The following SLCO5A1 variants were observed in gnomAD, a reference collection of about 807,000 sequenced individuals.
SLCO5A1 encodes the protein organic anion transporter polypeptide-related protein 4.
In SLCO5A1, 39 loss-of-function variants were observed where a neutral mutation model predicts 65.1. That is an observed-to-expected ratio of 0.60 (90% CI 0.46 to 0.78). SLCO5A1 has a LOEUF of 0.78. Ranked by LOEUF, SLCO5A1 falls within the 30% of genes least tolerant of loss-of-function variation. SLCO5A1 has a pLI of 0.00. For missense variants in SLCO5A1, 1,029 were observed against 1,069.4 expected (o/e 0.96, Z 0.53); for synonymous variants, 438 against 415.7 (o/e 1.05, Z -0.65).
chr8:69,704,959 C>T, intron 6 of SLCO5A1, 72 bp downstream of exon 6: 2 of 1,405,826 alleles, frequency 1.4e-6, no homozygotes, highest in Admixed American at 3.4e-5. Flanking sequence ...AGGCTGACTG[C>T]AGATGCACAA....
At position 69,694,901 on chromosome 8, in the gene SLCO5A1, G is replaced by A. The variant is rs143029578; in HGVS notation, c.1622+10130C>T. On this transcript the variant is annotated intron_variant, in intron 6 of 9. Coordinates refer to ENST00000260126, the MANE Select transcript of SLCO5A1 (RefSeq NM_030958.3). ...TGAATACAACTAAGTGAGAAAAGGT[G>A]TACTGTAATTCATGGATTAGATAAT... Among the ~76,000 whole-genome samples the A allele has an allele frequency of 5.3e-5, 8 of 152,312 alleles. No homozygotes were observed. The East Asian group carries it at 1.5e-3, about 29-fold the overall frequency.
intron 6 of SLCO5A1, among the ~76,000 whole-genome samples, chr8:69,688,911 A>G (rs1232631951): frequency 6.6e-6 from 1 of 152,164 alleles, no homozygotes; most frequent in Non-Finnish European, 1.5e-5. Context: ...AGGAATTGCC[A>G]CACTGACTTC....
intron 6 of SLCO5A1, among the ~76,000 whole-genome samples, chr8:69,683,825 G>C: frequency 6.6e-6 from 1 of 152,148 alleles, no homozygotes. Flanking sequence ...GCCTCCCAAA[G>C]TGCTAGGATT....
chr8:69,673,859 T>C (rs1339445955), intron 9 of SLCO5A1, among the ~76,000 whole-genome samples: 2 of 152,170 alleles, frequency 1.3e-5, no homozygotes, highest in Non-Finnish European at 2.9e-5. Flanking sequence ...CATGGCAACT[T>C]TGTAAAAGCA....
At chr8:69,684,412 C>T (rs1813921376) in intron 6 of SLCO5A1, among the ~76,000 whole-genome samples, 1 of 152,110 alleles carries the variant, frequency 6.6e-6, no homozygotes, top group African/African-American at 2.4e-5. Flanking sequence ...AGAAACTGGC[C>T]AAATCCAGGA....
At chr8:69,818,262 C>T (rs943305723) in intron 2 of SLCO5A1, among the ~76,000 whole-genome samples, 2 of 152,178 alleles carry the variant, frequency 1.3e-5, no homozygotes, top group Non-Finnish European at 2.9e-5. Context: ...TGGCTCCAAC[C>T]CCAAACCCAG....
rs948031222 is a variant in SLCO5A1 at position 69,685,776 on chromosome 8, C to T, written c.1623-3433G>A. Reference sequence around the variant, plus strand: ...CACAATCATTGAGGCCTCAAGAAAACCAGCCCTGGGGAGACAGCAAAAGAG... The same window carrying T: ...CACAATCATTGAGGCCTCAAGAAAATCAGCCCTGGGGAGACAGCAAAAGAG... On this transcript the variant is annotated intron_variant, in intron 6 of 9. Coordinates refer to ENST00000260126, the MANE Select transcript of SLCO5A1 (RefSeq NM_030958.3). 2.0e-5 allele frequency among the ~76,000 whole-genome samples: 3 copies of T among 152,094 alleles called. No individual in the cohort carries two copies. The East Asian group carries it at 5.8e-4, about 29-fold the overall frequency.
chr8:69,711,015 C>G (rs34308853), intron 5 of SLCO5A1, among the ~76,000 whole-genome samples: 14,529 of 151,948 alleles, frequency 0.096, 765 homozygotes, highest in African/African-American at 0.14. Flanking sequence ...TCATACTGTC[C>G]CCCCCACTCA....
intron 2 of SLCO5A1, among the ~76,000 whole-genome samples, chr8:69,779,606 C>T (rs1412704207): frequency 6.6e-6 from 1 of 152,080 alleles, no homozygotes; most frequent in Admixed American, 6.6e-5. Flanking sequence ...ACACTAACAA[C>T]CTTATGGAAA....
chr8:69,738,981 G>A (rs895624737), intron 4 of SLCO5A1, among the ~76,000 whole-genome samples: 7 of 152,056 alleles, frequency 4.6e-5, no homozygotes, highest in Non-Finnish European at 8.8e-5. Context: ...GTAGGAGGGG[G>A]GAATCTACAT....
At chr8:69,790,140 C>T (rs942903108) in intron 2 of SLCO5A1, among the ~76,000 whole-genome samples, 5 of 145,568 alleles carry the variant, frequency 3.4e-5, no homozygotes, top group African/African-American at 1.0e-4. Context: ...TGCAGTGAGC[C>T]GAGATCATGC....
At position 69,672,709 on chromosome 8, in the gene SLCO5A1, A is replaced by G. The variant is rs550114355; in HGVS notation, c.*160T>C. 1.1e-5 allele frequency: 8 copies of G among 727,484 alleles called. No individual in the cohort carries two copies. The East Asian group carries it at 2.2e-4, about 20-fold the overall frequency. 45.1% of individuals were successfully genotyped at this position (727,484 alleles called of 1,614,324 possible). A position where few individuals can be genotyped will look rare whatever the true frequency, so the allele number is the denominator to read the frequency against. ...GGCTCTCAGTCTTGTTGAGGTATCCAGCCCTCAATGAATAGCGGCTGTGTA... is the reference window on the plus strand; with the variant it reads ...GGCTCTCAGTCTTGTTGAGGTATCCGGCCCTCAATGAATAGCGGCTGTGTA... On this transcript the variant is annotated 3_prime_UTR_variant, in exon 10 of 10. Transcript: ENST00000260126.
intron 2 of SLCO5A1, among the ~76,000 whole-genome samples, chr8:69,814,014 A>G (rs989829687): frequency 6.6e-6 from 1 of 152,244 alleles, no homozygotes; most frequent in Admixed American, 6.5e-5. Context: ...TAACTACTAC[A>G]TAGTTGTTCT....
At chr8:69,769,463 CAA>C (rs1818221312) in intron 2 of SLCO5A1, among the ~76,000 whole-genome samples, 2 of 152,110 alleles carry the variant, frequency 1.3e-5, no homozygotes, top group South Asian at 4.1e-4. Context: ...TGTGCCATGT[CAA>C]AAGTCACTCT....
chr8:69,679,567 G>A lies in SLCO5A1; in HGVS notation c.1835C>T (p.Pro612Leu). ...TCVQSRQVIT[P>L]PTVGQRSQLR... Reference sequence around the variant, plus strand: ...CTGACTTCGCTGTCCCACGGTGGGTGGAGTGATCACTTGGCGACTTTGGAC... The same window carrying A: ...CTGACTTCGCTGTCCCACGGTGGGTAGAGTGATCACTTGGCGACTTTGGAC... The change falls in exon 8 of 10, where the codon CCA (proline) becomes CTA (leucine). Residue 612 changes from proline to leucine, a missense_variant. Physicochemically the swap from Pro to Leu is moderately conservative, Grantham distance 98. Transcript: ENST00000260126. 6.2e-7 allele frequency: 1 copy of A among 1,614,226 alleles called. No homozygotes were observed. Among genetic ancestry groups the A allele is most frequent in the Non-Finnish European group, 8.5e-7 (1 of 1,180,040 alleles).
intron 5 of SLCO5A1, among the ~76,000 whole-genome samples, chr8:69,728,953 T>G (rs912661212): frequency 2.0e-5 from 3 of 152,130 alleles, no homozygotes; most frequent in African/African-American, 7.2e-5. Context: ...CCAAGTACCA[T>G]TTTCCTGTCA....
rs75779700 is a variant in SLCO5A1, at chr8:69,819,077, A to T, written c.907+12690T>A. 3.9e-3 allele frequency among the ~76,000 whole-genome samples: 597 copies of T among 152,272 alleles called. 4 individuals are homozygous for T. The highest frequency in any genetic ancestry group is 0.022 in the South Asian group (107 of 4,822). Reference sequence around the variant, plus strand: ...TAAACAAGACAAGCAAAATTAAAGCAGCATTTTAAAATGGGTTACAAGTCT... The same window carrying T: ...TAAACAAGACAAGCAAAATTAAAGCTGCATTTTAAAATGGGTTACAAGTCT... On this transcript the variant is annotated intron_variant, in intron 2 of 9. Coordinates refer to ENST00000260126, the MANE Select transcript of SLCO5A1 (RefSeq NM_030958.3).
At position 69,710,306 on chromosome 8, in the gene SLCO5A1, ACCGCGC is replaced by A. The variant is rs557348565; in HGVS notation, c.1424-5083_1424-5078del. Among the ~76,000 whole-genome samples, 304 of 152,190 alleles carry A rather than the reference ACCGCGC, an allele frequency of 2.0e-3. 3 individuals carry two copies. The highest frequency in any genetic ancestry group is 0.019 in the Admixed American group (291 of 15,290). On this transcript the variant is annotated intron_variant, in intron 5 of 9. Transcript: ENST00000260126. Reference sequence around the variant, plus strand: ...AGTGCTGGGATTACAGGAGTGAGCCACCGCGCCCGACCGGCAATGGCCCTTTTACAG... The same window carrying A: ...AGTGCTGGGATTACAGGAGTGAGCCACCGACCGGCAATGGCCCTTTTACAG...
chr8:69,736,042 T>C (rs781729549), intron 5 of SLCO5A1, among the ~76,000 whole-genome samples: 23 of 152,250 alleles, frequency 1.5e-4, no homozygotes, highest in Non-Finnish European at 2.6e-4. Context: ...AAACATTGTA[T>C]AAACTGCATT....
Sources: allele counts gnomAD v4.1 joint callset (sites outside exome capture counted in the v4.1 genomes callset), GRCh38; gene constraint gnomAD v4.1.1; transcripts MANE v1.5; gene names NCBI Gene and HGNC (gene_info 2026-07-23, HGNC 2026-07-21).